Variants in NYAP2 observed in about 807,000 individuals in gnomAD.
The protein encoded by NYAP2 is neuronal tyrosine-phosphorylated phosphoinositide-3-kinase adaptor 2.
A neutral mutation model predicts 50.4 loss-of-function variants in NYAP2; 23 were observed. That is an observed-to-expected ratio of 0.46 (90% CI 0.33 to 0.65). The LOEUF is 0.65. Among genes scored for constraint, NYAP2 ranks in the 30% least tolerant of loss-of-function variants. The probability of loss-of-function intolerance (pLI) is 0.02; values close to 1 mark genes in which losing one functional copy is unlikely to be tolerated. For missense variants in NYAP2, 885 were observed against 861.0 expected (o/e 1.03, Z -0.35); for synonymous variants, 394 against 365.2 (o/e 1.08, Z -0.90).
rs1018295510 is a variant in NYAP2, at chr2:225,594,471, C to T, written c.1618+11436C>T. 3.4e-4 allele frequency among the ~76,000 whole-genome samples: 52 copies of T among 151,880 alleles called. 1 individual carries two copies. Among genetic ancestry groups the T allele is most frequent in the Admixed American group, 1.6e-3 (25 of 15,248 alleles). On this transcript the variant is annotated intron_variant, in intron 5 of 6. Coordinates refer to ENST00000636099, the Ensembl canonical transcript of NYAP2. ...CCCGGGGGCAGAGGTCACAGTGAGC[C>T]GAGATCGTGCCACTGCACTCCAGCC...
chr2:225,559,204 C>A (rs1184682277), intron 4 of NYAP2, among the ~76,000 whole-genome samples: 1 of 152,004 alleles, frequency 6.6e-6, no homozygotes, highest in Non-Finnish European at 1.5e-5. Flanking sequence ...TGAGTCTTGT[C>A]TTTGATATTG....
intron 4 of NYAP2, among the ~76,000 whole-genome samples, chr2:225,544,263 G>T (rs1424546970): frequency 6.6e-6 from 1 of 151,392 alleles, no homozygotes; most frequent in Non-Finnish European, 1.5e-5. Flanking sequence ...GTTTTGATTG[G>T]AGAGTTTAAT....
intron 3 of NYAP2, among the ~76,000 whole-genome samples, chr2:225,501,184 C>T (rs1690600036): frequency 1.3e-5 from 2 of 152,174 alleles, no homozygotes; most frequent in South Asian, 4.1e-4. Context: ...AACATGTGTT[C>T]TCCCTCTAGG....
At chr2:225,684,063 T>C in the NYAP2 span, among the ~76,000 whole-genome samples, 1 of 152,100 alleles carries the variant, frequency 6.6e-6, no homozygotes, top group Non-Finnish European at 1.5e-5. Flanking sequence ...AGGAAAAGGG[T>C]CAGGCTTTAG....
At chr2:225,642,291 A>G (rs1693546802) in intron 6 of NYAP2, among the ~76,000 whole-genome samples, 1 of 151,960 alleles carries the variant, frequency 6.6e-6, no homozygotes, top group Non-Finnish European at 1.5e-5. Context: ...AATTTATTAT[A>G]AGCAGGGAAG....
At chr2:225,638,777 C>G (rs1693473159) in intron 6 of NYAP2, among the ~76,000 whole-genome samples, 1 of 152,178 alleles carries the variant, frequency 6.6e-6, no homozygotes, top group South Asian at 2.1e-4. Context: ...CTTGAAGAAC[C>G]TTTCCTTTCC....
At chr2:225,530,505 G>A (rs139811342) in intron 4 of NYAP2, among the ~76,000 whole-genome samples, 2 of 152,206 alleles carry the variant, frequency 1.3e-5, no homozygotes, top group Non-Finnish European at 2.9e-5. Flanking sequence ...TAAATCCCAT[G>A]CTCCTTGGCT....
intron 6 of NYAP2, among the ~76,000 whole-genome samples, chr2:225,628,387 T>C (rs1265878359): frequency 1.4e-5 from 2 of 147,912 alleles, no homozygotes; most frequent in Non-Finnish European, 3.0e-5. Flanking sequence ...AATGGTGCGA[T>C]CTTGGCTCAC....
chr2:225,601,075 C>G (rs1692682440), intron 5 of NYAP2, among the ~76,000 whole-genome samples: 1 of 151,524 alleles, frequency 6.6e-6, no homozygotes, highest in Non-Finnish European at 1.5e-5. Context: ...TTTAGAAATA[C>G]CCAGAAGTAG....
At chr2:225,420,032 G>A (rs1030995040) in intron 3 of NYAP2, among the ~76,000 whole-genome samples, 2 of 152,156 alleles carry the variant, frequency 1.3e-5, no homozygotes, top group African/African-American at 4.8e-5. Context: ...TGCAATAATT[G>A]GTAGGTTTAG....
intron 3 of NYAP2, among the ~76,000 whole-genome samples, chr2:225,444,627 T>C (rs1322234931): frequency 1.3e-5 from 2 of 152,198 alleles, no homozygotes; most frequent in Non-Finnish European, 2.9e-5. Context: ...GATTCTTTAT[T>C]TTGATAATGA....
At chr2:225,479,113 G>A (rs1211978961) in intron 3 of NYAP2, among the ~76,000 whole-genome samples, 1 of 152,154 alleles carries the variant, frequency 6.6e-6, no homozygotes, top group African/African-American at 2.4e-5. Flanking sequence ...ACGAGTGGGA[G>A]CCAATGGAAA....
intron 4 of NYAP2, among the ~76,000 whole-genome samples, chr2:225,558,889 T>C (rs751163810): frequency 1.3e-5 from 2 of 152,104 alleles, no homozygotes; most frequent in Non-Finnish European, 2.9e-5. Context: ...TGATACAACT[T>C]GGCTTTTGAC....
At chr2:225,575,618 C>T (rs951668333) in intron 4 of NYAP2, among the ~76,000 whole-genome samples, 3 of 152,164 alleles carry the variant, frequency 2.0e-5, no homozygotes, top group Non-Finnish European at 4.4e-5. Flanking sequence ...AGCTTCCTTA[C>T]AGCATGGTGA....
intron 3 of NYAP2, among the ~76,000 whole-genome samples, chr2:225,464,157 C>G (rs1023115461): frequency 2.0e-5 from 3 of 152,054 alleles, no homozygotes; most frequent in Non-Finnish European, 4.4e-5. Context: ...AAACAGAGAC[C>G]GATTGAGGCA....
chr2:225,648,496 G>A (rs987531402), intron 6 of NYAP2, among the ~76,000 whole-genome samples: 1 of 152,106 alleles, frequency 6.6e-6, no homozygotes, highest in Non-Finnish European at 1.5e-5. Flanking sequence ...TAAGTTAGAT[G>A]TGAGCAGAGA....
At chr2:225,400,534 T>C (rs1694843073) in intron 1 of NYAP2, 27 bp from the exon 2 acceptor site, 1 of 152,126 alleles carries the variant, frequency 6.6e-6, no homozygotes, top group Admixed American at 6.6e-5. Context: ...TCTGATTTTT[T>C]GTTTTCATTT....
chr2:225,547,232 A>C (rs1408533870), intron 4 of NYAP2, among the ~76,000 whole-genome samples: 2 of 152,156 alleles, frequency 1.3e-5, no homozygotes, highest in African/African-American at 4.8e-5. Flanking sequence ...TGGGTAGCCC[A>C]CTGCCCTGAA....
the NYAP2 span, among the ~76,000 whole-genome samples, chr2:225,662,715 G>A: frequency 6.6e-6 from 1 of 152,220 alleles, no homozygotes. Context: ...GGACCAAAAG[G>A]TGTCAGGAGT....
Sources: allele counts gnomAD v4.1 joint callset (sites outside exome capture counted in the v4.1 genomes callset), GRCh38; gene constraint gnomAD v4.1.1; transcripts MANE v1.5; gene names NCBI Gene and HGNC (gene_info 2026-07-23, HGNC 2026-07-21).